Variants in MORC1 observed in about 807,000 individuals in gnomAD.
MORC1 encodes the protein MORC family CW-type zinc finger 1.
MORC1 carries 59 observed loss-of-function variants against 134.9 expected under a neutral mutation model. The observed-to-expected ratio is 0.44, with a 90% CI of 0.35 to 0.54. The LOEUF (loss-of-function observed/expected upper bound fraction) is 0.54, where lower values mean the gene tolerates loss of function less well. Among genes scored for constraint, MORC1 ranks in the 20% least tolerant of loss-of-function variants. The pLI, the probability that MORC1 is intolerant of heterozygous loss-of-function variation, is 0.00. For missense variants in MORC1, 947 were observed against 1,134.5 expected (o/e 0.83, Z 2.37); for synonymous variants, 395 against 391.7 (o/e 1.01, Z -0.10).
At chr3:109,055,986 G>A (rs868593792) in intron 13 of MORC1, among the ~76,000 whole-genome samples, 4 of 152,256 alleles carry the variant, frequency 2.6e-5, no homozygotes, top group African/African-American at 7.2e-5. Context: ...GCATGTTAGG[G>A]CCAGCAGTAA....
At chr3:109,111,886 T>G (rs1951175238) in intron 2 of MORC1, among the ~76,000 whole-genome samples, 1 of 152,334 alleles carries the variant, frequency 6.6e-6, no homozygotes, top group Non-Finnish European at 1.5e-5. Flanking sequence ...TTGCTGCTTC[T>G]CAGCCCTCCC....
intron 14 of MORC1, among the ~76,000 whole-genome samples, chr3:109,044,557 CA>C (rs5851634): frequency 0.64 from 93,468 of 145,080 alleles, 31,256 homozygotes; most frequent in East Asian, 0.97. Context: ...GACTCCACCT[CA>C]AAAAAAAAAA....
chr3:109,005,100 T>C lies in MORC1; in HGVS notation c.1983A>G (p.Pro661=), dbSNP rs1317816493. The C allele has an allele frequency of 6.2e-7, 1 of 1,611,746 alleles. No homozygotes were observed. Among genetic ancestry groups the C allele is most frequent in the Non-Finnish European group, 8.5e-7 (1 of 1,179,384 alleles). ...SQQQRIPVAL[P]ENVKLAERSQ... Reference sequence around the variant, plus strand: ...ATCTCTCAGCTAGTTTGACATTTTCTGGCAGAGCTACTGGAATTCTCTGCT... The same window carrying C: ...ATCTCTCAGCTAGTTTGACATTTTCCGGCAGAGCTACTGGAATTCTCTGCT... The change falls in exon 19 of 28, where the codon CCA becomes CCG. Residue 661 remains proline, a synonymous_variant. Transcript: ENST00000232603.
chr3:109,028,481 A>T (rs1408132190), intron 16 of MORC1, among the ~76,000 whole-genome samples: 1 of 152,136 alleles, frequency 6.6e-6, no homozygotes, highest in Non-Finnish European at 1.5e-5. Flanking sequence ...CTGTCGTAAG[A>T]GTATCTGCTT....
chr3:109,075,379 A>G (rs1950398519), intron 8 of MORC1, among the ~76,000 whole-genome samples: 1 of 152,194 alleles, frequency 6.6e-6, no homozygotes, highest in South Asian at 2.1e-4. Flanking sequence ...ATATTTGCCC[A>G]TGCCTACGTC....
chr3:109,078,670 T>C (rs922884881), intron 8 of MORC1, among the ~76,000 whole-genome samples: 1 of 151,632 alleles, frequency 6.6e-6, no homozygotes, highest in East Asian at 1.9e-4. Flanking sequence ...AAAAAAGATA[T>C]AAGAAAATAA....
chr3:109,088,159 G>T (rs1950652298), intron 8 of MORC1, among the ~76,000 whole-genome samples: 1 of 152,036 alleles, frequency 6.6e-6, no homozygotes, highest in Admixed American at 6.6e-5. Flanking sequence ...CCTGGACATA[G>T]GAACAGGCAC....
At chr3:109,063,081 A>G (rs1950118920) in intron 10 of MORC1, 71 bp downstream of exon 10, 3 of 1,195,640 alleles carry the variant, frequency 2.5e-6, no homozygotes, top group Admixed American at 3.5e-5. Context: ...TGTATGTCTC[A>G]AAATAAGTGC....
chr3:108,970,641 CAGGCAACACCG>C (rs1947351585), intron 25 of MORC1, among the ~76,000 whole-genome samples: 1 of 152,232 alleles, frequency 6.6e-6, no homozygotes, highest in South Asian at 2.1e-4. Flanking sequence ...ATCATCTCCA[CAGGCAACACCG>C]AGCATGGAGG....
intron 8 of MORC1, among the ~76,000 whole-genome samples, chr3:109,076,209 G>A (rs1950417215): frequency 6.6e-6 from 1 of 152,168 alleles, no homozygotes; most frequent in African/African-American, 2.4e-5. Flanking sequence ...CATTTATGTG[G>A]CCAACAAACG....
rs560600387 is a variant in MORC1, at chr3:109,063,059, T to C, written c.895+93A>G. Reference sequence around the variant, plus strand: ...TAATTAATTGTAGTAGCTCCTACAATGCCTAGAGCAATGTATGTCTCAAAA... The same window carrying C: ...TAATTAATTGTAGTAGCTCCTACAACGCCTAGAGCAATGTATGTCTCAAAA... On this transcript the variant is annotated intron_variant, in intron 10 of 27. Coordinates refer to ENST00000232603, the MANE Select transcript of MORC1 (RefSeq NM_014429.4). The C allele has an allele frequency of 3.0e-5, 26 of 863,394 alleles. No individual in the cohort carries two copies. The African/African-American group carries it at 4.0e-4, about 13-fold the overall frequency. 53.5% of individuals were successfully genotyped at this position (863,394 alleles called of 1,614,324 possible).
At chr3:109,069,958 C>T (rs1333395860) in intron 8 of MORC1, among the ~76,000 whole-genome samples, 1 of 152,150 alleles carries the variant, frequency 6.6e-6, no homozygotes, top group Non-Finnish European at 1.5e-5. Flanking sequence ...ACACAAGGCC[C>T]AACACAAATA....
chr3:109,040,403 A>AAAGAAATAAAGAAAGAAAGAGAAGGAAG (rs1553753628), intron 14 of MORC1, among the ~76,000 whole-genome samples: 1 of 13,558 alleles, frequency 7.4e-5, no homozygotes, highest in Non-Finnish European at 1.8e-4. Context: ...AGAAAGAAAG[A>AAAGAAATAAAGAAAGAAAGAGAAGGAAG]GAAGGAAGGA....
Position 109,027,619 on chromosome 3 carries a change from A to T in MORC1, c.1704+132T>A, listed in dbSNP as rs1252123765. 6 of 1,251,460 alleles carry T rather than the reference A, an allele frequency of 4.8e-6. No individual in the cohort carries two copies. The African/African-American group carries it at 7.6e-5, about 16-fold the overall frequency. The allele number at this position is 1,251,460 out of a possible 1,614,324, so 77.5% of individuals were successfully genotyped here. ...TAGAACAGGTCTTAGATCCAAAATT[A>T]AAAGATGTCAAAAAGGACAGGAAAA... On this transcript the variant is annotated intron_variant, in intron 17 of 27. Transcript: ENST00000232603.
chr3:109,055,075 T>C (rs1001670185), intron 13 of MORC1, among the ~76,000 whole-genome samples, 193 bp from the exon 14 acceptor site: 2 of 152,076 alleles, frequency 1.3e-5, no homozygotes, highest in Non-Finnish European at 2.9e-5. Context: ...TTTGGTCCCA[T>C]AATAAAAAAA....
intron 17 of MORC1, among the ~76,000 whole-genome samples, chr3:109,009,492 C>T (rs974356579): frequency 2.0e-5 from 3 of 152,190 alleles, no homozygotes; most frequent in Admixed American, 6.5e-5. Context: ...GCGTGAGCCA[C>T]CACGCCTGGC....
At chr3:109,057,905 T>C (rs946561478) in intron 12 of MORC1, among the ~76,000 whole-genome samples, 18 of 152,202 alleles carry the variant, frequency 1.2e-4, no homozygotes, top group African/African-American at 4.1e-4. Context: ...CCTACATAGA[T>C]TGGAATGTGC....
rs991716467 is a variant in MORC1, at chr3:108,965,107, A to G, written c.2605-1499T>C. On this transcript the variant is annotated intron_variant, in intron 26 of 27. Transcript: ENST00000232603. ...TTAACTCAGCTGGAATAAGGAGGACAGTGTTACATACAGTTCACCTGTCAC... is the reference window on the plus strand; with the variant it reads ...TTAACTCAGCTGGAATAAGGAGGACGGTGTTACATACAGTTCACCTGTCAC... Among the ~76,000 whole-genome samples, 8 of 152,328 alleles carry G rather than the reference A, an allele frequency of 5.3e-5. No homozygotes were observed. In the East Asian group the frequency reaches 5.8e-4, roughly 11 times the overall value.
chr3:109,095,218 A>T (rs1950807068), intron 6 of MORC1, 150 bp from the exon 7 acceptor site: 2 of 700,538 alleles, frequency 2.9e-6, no homozygotes, highest in African/African-American at 1.9e-5. Context: ...GTTGTATAAG[A>T]GACACATAAC....
Sources: allele counts gnomAD v4.1 joint callset (sites outside exome capture counted in the v4.1 genomes callset), GRCh38; gene constraint gnomAD v4.1.1; transcripts MANE v1.5; gene names NCBI Gene and HGNC (gene_info 2026-07-23, HGNC 2026-07-21).